Variants in L1CAM observed in about 807,000 individuals in gnomAD.
L1CAM encodes L1 cell adhesion molecule, also known as neural cell adhesion molecule L1.
Under a neutral mutation model 93.0 loss-of-function variants are expected in L1CAM, and 8 were observed. The observed-to-expected ratio is 0.09, with a 90% CI of 0.05 to 0.16. L1CAM has a LOEUF of 0.16. L1CAM is among the 10% of genes least tolerant of loss of function. The pLI, the probability that L1CAM is intolerant of heterozygous loss-of-function variation, is 1.00. For synonymous variants in L1CAM, 453 were observed against 453.0 expected, an observed-to-expected ratio of 1.00 and a Z score of 0.00; for missense variants, 777 against 1,073.4, an observed-to-expected ratio of 0.72 and a Z score of 3.86.
chrX:153,884,383 C>A (rs1410720333), intron 1 of L1CAM: 4 of 491,307 alleles, frequency 8.1e-6, no homozygotes, highest in Non-Finnish European at 1.2e-5. Flanking sequence ...TGGGGAGGAG[C>A]CTTTTAGGAG....
At chrX:153,873,386 G>A (rs1448281459) in intron 2 of L1CAM, 144 bp from the exon 3 acceptor site, 3 of 615,221 alleles carry the variant, frequency 4.9e-6, no homozygotes, top group South Asian at 4.8e-5. Context: ...GGCCCTGGCA[G>A]TGGCAACAAG....
chrX:153,863,685 C>A (rs2064684141), intron 26 of L1CAM, 136 bp from the exon 27 acceptor site: 4 of 816,197 alleles, frequency 4.9e-6, no homozygotes, highest in Non-Finnish European at 7.2e-6. Context: ...AAACCGCTCA[C>A]CCCCTGCGGT....
intron 5 of L1CAM, 119 bp from the exon 6 acceptor site, chrX:153,871,298 G>T (rs2064767796): frequency 1.5e-6 from 1 of 645,239 alleles, no homozygotes; most frequent in Admixed American, 2.7e-5. Context: ...GGGCGAGAGG[G>T]TCAGGCCAGT....
At chrX:153,874,872 G>C (rs1557094104) in intron 2 of L1CAM, among the ~76,000 whole-genome samples, 1 of 111,944 alleles carries the variant, frequency 8.9e-6, no homozygotes, top group African/African-American at 3.3e-5. Flanking sequence ...CCACACGCAA[G>C]TGTGTACTTA....
At chrX:153,874,707 G>T in intron 2 of L1CAM, among the ~76,000 whole-genome samples, 1 of 112,303 alleles carries the variant, frequency 8.9e-6, no homozygotes. Context: ...TCCTTGTCCA[G>T]GCCCAGAGAC....
At chrX:153,880,805 G>A (rs2064840910) in intron 1 of L1CAM, 1 of 272,712 alleles carries the variant, frequency 3.7e-6, no homozygotes, top group South Asian at 3.5e-5. Context: ...ACAGGTACCT[G>A]GGGGCCCAGA....
intron 1 of L1CAM, chrX:153,880,331 T>C: frequency 5.3e-6 from 1 of 187,408 alleles, no homozygotes; most frequent in South Asian, 7.3e-5. Flanking sequence ...CCTGCACACC[T>C]GCCTGTCAGT....
At chrX:153,875,328 C>T (rs1557094220) in intron 2 of L1CAM, among the ~76,000 whole-genome samples, 1 of 112,150 alleles carries the variant, frequency 8.9e-6, no homozygotes, top group African/African-American at 3.2e-5. Context: ...GGGGACAAGA[C>T]TTGAACACAG....
rs781875424 is a variant in L1CAM, at chrX:153,866,866, G to A, written c.2214C>T (p.Leu738=). Reference sequence around the variant, plus strand: ...GGGGGGCGTTCCAGTCCATCCACCGGAGCGGCTGGAGGAGGCCAGCAGAAG... The same window carrying A: ...GGGGGGCGTTCCAGTCCATCCACCGAAGCGGCTGGAGGAGGCCAGCAGAAG... The part of the protein sequence containing the change: ...TTNMVITWKP[L]RWMDWNAPQV... The change falls in exon 19 of 29, where the codon CTC becomes CTT. Residue 738 remains leucine, a synonymous_variant. Coordinates refer to ENST00000370060, the MANE Select transcript of L1CAM (RefSeq NM_001278116.2). The A allele has an allele frequency of 8.3e-7, 1 of 1,209,015 alleles. No individual in the cohort carries two copies. Among genetic ancestry groups the A allele is most frequent in the Admixed American group, 2.2e-5 (1 of 45,990 alleles).
chrX:153,865,271 G>A, intron 21 of L1CAM, 28 bp downstream of exon 21: 1 of 1,209,690 alleles, frequency 8.3e-7, no homozygotes, highest in South Asian at 1.8e-5. Flanking sequence ...AGGAGGGCAG[G>A]GGATGAGGCG....
intron 19 of L1CAM, among the ~76,000 whole-genome samples, 163 bp downstream of exon 19, chrX:153,866,486 T>G (rs140733180): frequency 8.9e-6 from 1 of 111,754 alleles, no homozygotes; most frequent in Admixed American, 9.5e-5. Flanking sequence ...CTGCCAATTA[T>G]AGAAATGTGA....
In L1CAM at chrX:153,863,466, C is replaced by T. The variant is rs1557089596; in HGVS notation, c.3530+11G>A. On this transcript the variant is annotated intron_variant, in intron 27 of 28. Coordinates refer to ENST00000370060, the MANE Select transcript of L1CAM (RefSeq NM_001278116.2). ...AGCTGAGTGCCAGCACCCACTCCTG[C>T]CCCGGCTCACCTGTACTCGCCGAAG... The T allele has an allele frequency of 5.0e-6, 6 of 1,210,619 alleles. No individual in the cohort carries two copies. The highest frequency in any genetic ancestry group is 1.8e-5 in the South Asian group (1 of 56,922).
intron 9 of L1CAM, 26 bp from the exon 10 acceptor site, chrX:153,869,960 G>T: frequency 1.7e-6 from 2 of 1,209,646 alleles, no homozygotes; most frequent in Non-Finnish European, 2.2e-6. Flanking sequence ...GAGCCGCCCT[G>T]AGCCCGCAGC....
chrX:153,878,044 C>A, intron 1 of L1CAM, among the ~76,000 whole-genome samples: 1 of 112,308 alleles, frequency 8.9e-6, no homozygotes, highest in Non-Finnish European at 1.9e-5. Flanking sequence ...AGTGGCCAGA[C>A]CACTTCAATT....
chrX:153,885,846 C>A lies in L1CAM; in HGVS notation c.-109+219G>T, dbSNP rs782050357. 3.3e-5 allele frequency: 27 copies of A among 809,692 alleles called. No individual in the cohort carries two copies. In the South Asian group the frequency reaches 5.3e-4, roughly 16 times the overall value. The allele number at this position is 809,692 out of a possible 1,213,427, so 66.7% of individuals were successfully genotyped here. A position where few individuals can be genotyped will look rare whatever the true frequency, so the allele number is the denominator to read the frequency against. ...GCCCCGCAGGTTACCCCTCACCTGT[C>A]GGGCTCGGGCACCCGGCATCCCTCC... On this transcript the variant is annotated intron_variant, in intron 1 of 28. Transcript: ENST00000370060.
At position 153,870,468 on chromosome X, in the gene L1CAM, C is replaced by T. The variant is rs200813995; in HGVS notation, c.726G>A (p.Leu242=). 9 of 1,210,397 alleles carry T rather than the reference C, an allele frequency of 7.4e-6. No individual in the cohort carries two copies. The Admixed American group carries it at 1.7e-4, about 23-fold the overall frequency. Residue 242 remains leucine, a synonymous_variant, in exon 8 of 29, where the codon CTG becomes CTA. Transcript: ENST00000370060. ...GGCTGCTGGAGTTGGTGGGGAAGAGCAGGCGCGGCTTCCTGTCAATCATGC... is the reference window on the plus strand; with the variant it reads ...GGCTGCTGGAGTTGGTGGGGAAGAGTAGGCGCGGCTTCCTGTCAATCATGC... ...TNSMIDRKPR[L]LFPTNSSSHL... is the part of the protein sequence containing the mutation.
At position 153,869,958 on chromosome X, in the gene L1CAM, C is replaced by T. The variant is rs1405666810; in HGVS notation, c.992-24G>A. On this transcript the variant is annotated intron_variant, in intron 9 of 28. Transcript: ENST00000370060. ...AGCTGGGAGGAAGGGGAGAGCCGCC[C>T]TGAGCCCGCAGCCAGCAGCTGGCTC... 2.5e-6 allele frequency: 3 copies of T among 1,208,200 alleles called. No individual in the cohort carries two copies. In the African/African-American group the frequency reaches 5.2e-5, roughly 21 times the overall value.
At chrX:153,881,124 T>C (rs1039813609) in intron 1 of L1CAM, among the ~76,000 whole-genome samples, 2 of 112,181 alleles carry the variant, frequency 1.8e-5, no homozygotes, top group Admixed American at 9.4e-5. Flanking sequence ...AGCGTGGACT[T>C]ACCACGTACC....
intron 8 of L1CAM, 56 bp from the exon 9 acceptor site, chrX:153,870,296 C>A: frequency 2.5e-6 from 3 of 1,187,810 alleles, no homozygotes; most frequent in Non-Finnish European, 3.4e-6. Flanking sequence ...GGCCAATCAC[C>A]CCAGCCCCCT....
Sources: gnomAD v4.1 joint callset for allele counts (sites outside exome capture counted in the v4.1 genomes callset) on GRCh38, gnomAD v4.1.1 for gene constraint, MANE v1.5 for transcripts, NCBI Gene and HGNC (gene_info 2026-07-23, HGNC 2026-07-21) for gene names.